The following CNTN4 variants were observed in gnomAD, a reference collection of about 807,000 sequenced individuals.
CNTN4 encodes contactin-4.
CNTN4 carries 77 observed loss-of-function variants against 122.5 expected under a neutral mutation model. That is an observed-to-expected ratio of 0.63 (90% CI 0.52 to 0.76). The LOEUF (loss-of-function observed/expected upper bound fraction) is 0.76, where lower values mean the gene tolerates loss of function less well. Among genes scored for constraint, CNTN4 ranks in the 30% least tolerant of loss-of-function variants. The pLI is 0.00. For synonymous variants in CNTN4, 512 were observed against 447.0 expected (o/e 1.15, Z -1.83); for missense variants, 1,256 against 1,259.1 (o/e 1.00, Z 0.04).
At chr3:2,119,670 A>G (rs1445772283) in intron 2 of CNTN4, among the ~76,000 whole-genome samples, 1 of 152,174 alleles carries the variant, frequency 6.6e-6, no homozygotes, top group Non-Finnish European at 1.5e-5. Context: ...AAGTAGGATA[A>G]TTTAGAGAAA....
intron 3 of CNTN4, among the ~76,000 whole-genome samples, chr3:2,539,899 T>G (rs1489518913): frequency 2.6e-5 from 4 of 152,122 alleles, no homozygotes. Context: ...CGGTGATTAC[T>G]CAACTCTTGC....
In CNTN4 at chr3:2,288,833, T is replaced by C. The variant is rs569867634; in HGVS notation, c.-144-50345T>C. Among the ~76,000 whole-genome samples, 7 of 152,108 alleles carry C rather than the reference T, an allele frequency of 4.6e-5. 1 individual carries two copies. In the East Asian group the frequency reaches 5.8e-4, roughly 13 times the overall value. On this transcript the variant is annotated intron_variant, in intron 2 of 24. Coordinates refer to ENST00000418658, the MANE Select transcript of CNTN4 (RefSeq NM_175607.3). ...GGCTGGAAAATGTTAAATAAAGATA[T>C]AAATTAGAGAAAAGAGGGATGTTTG...
intron 2 of CNTN4, among the ~76,000 whole-genome samples, chr3:2,247,680 TTATACA>T (rs2040207907): frequency 6.6e-6 from 1 of 152,004 alleles, no homozygotes; most frequent in South Asian, 2.1e-4. Context: ...ATAAGTTGAC[TTATACA>T]TATTATTTGA....
At chr3:2,697,703 G>C (rs1036086659) in intron 4 of CNTN4, among the ~76,000 whole-genome samples, 1 of 152,108 alleles carries the variant, frequency 6.6e-6, no homozygotes, top group Non-Finnish European at 1.5e-5. Flanking sequence ...CCGATACGAT[G>C]CATAGAGAGA....
At chr3:2,763,786 C>T (rs1304203538) in intron 6 of CNTN4, among the ~76,000 whole-genome samples, 3 of 152,024 alleles carry the variant, frequency 2.0e-5, no homozygotes, top group South Asian at 2.1e-4. Flanking sequence ...AAGGTGAGAT[C>T]GTTGCAGGTG....
intron 8 of CNTN4, among the ~76,000 whole-genome samples, chr3:2,870,095 C>T (rs1054114104): frequency 7.9e-5 from 12 of 152,148 alleles, no homozygotes; most frequent in Admixed American, 2.0e-4. Flanking sequence ...CAGGGACAGA[C>T]GTCACACAGA....
intron 3 of CNTN4, among the ~76,000 whole-genome samples, chr3:2,550,493 C>T (rs951653522): frequency 4.6e-5 from 7 of 152,190 alleles, no homozygotes; most frequent in Non-Finnish European, 7.3e-5. Flanking sequence ...TGCTTTTACA[C>T]TGTTGGTGGG....
At chr3:2,405,445 A>C (rs2046998128) in intron 3 of CNTN4, among the ~76,000 whole-genome samples, 1 of 152,208 alleles carries the variant, frequency 6.6e-6, no homozygotes, top group African/African-American at 2.4e-5. Context: ...TCAAAAAGTA[A>C]GAGTGCATGT....
intron 2 of CNTN4, among the ~76,000 whole-genome samples, chr3:2,328,258 T>C (rs1145040): frequency 0.32 from 48,081 of 150,334 alleles, 7,844 homozygotes; most frequent in Admixed American, 0.39. Context: ...ACAAAAAAAT[T>C]AGCCGGGCGT....
chr3:2,205,442 G>A (rs2149408321), intron 2 of CNTN4, among the ~76,000 whole-genome samples: 2 of 151,700 alleles, frequency 1.3e-5, no homozygotes, highest in East Asian at 1.9e-4. Flanking sequence ...TTGGGAGTCA[G>A]GTGGTTTTTC....
intron 3 of CNTN4, among the ~76,000 whole-genome samples, chr3:2,453,411 G>C (rs191682284): frequency 1.3e-5 from 2 of 152,204 alleles, no homozygotes; most frequent in African/African-American, 4.8e-5. Context: ...ATCTCGAAAA[G>C]CAGTAATGAT....
intron 3 of CNTN4, among the ~76,000 whole-genome samples, chr3:2,349,104 C>A (rs751976768): frequency 6.6e-6 from 1 of 152,046 alleles, no homozygotes; most frequent in African/African-American, 2.4e-5. Context: ...ATGTTTTACC[C>A]GAACTGGTTT....
intron 14 of CNTN4, among the ~76,000 whole-genome samples, chr3:3,024,384 T>TAA (rs55892513): frequency 2.9e-3 from 265 of 90,178 alleles, no homozygotes; most frequent in Middle Eastern, 7.9e-3. Context: ...TTTTCCTCAT[T>TAA]AAAAAAAAAA....
intron 3 of CNTN4, among the ~76,000 whole-genome samples, chr3:2,350,255 G>A (rs1354828121): frequency 6.6e-6 from 1 of 152,172 alleles, no homozygotes; most frequent in African/African-American, 2.4e-5. Context: ...TAACCATGTT[G>A]GTAATGACAG....
chr3:2,922,300 A>G (rs2094436774), intron 12 of CNTN4, among the ~76,000 whole-genome samples: 1 of 152,204 alleles, frequency 6.6e-6, no homozygotes, highest in African/African-American at 2.4e-5. Context: ...TGAATGTCAA[A>G]TAGAACAGGT....
At chr3:2,227,431 A>T (rs1233633031) in intron 2 of CNTN4, among the ~76,000 whole-genome samples, 1 of 152,162 alleles carries the variant, frequency 6.6e-6, no homozygotes, top group Non-Finnish European at 1.5e-5. Flanking sequence ...ACTAATAGTT[A>T]GTGTCCTTTT....
intron 2 of CNTN4, among the ~76,000 whole-genome samples, chr3:2,332,759 A>C (rs563473755): frequency 6.6e-6 from 1 of 150,498 alleles, no homozygotes; most frequent in Non-Finnish European, 1.5e-5. Context: ...GGATAGCTTT[A>C]GGAGATATAC....
chr3:2,171,512 A>G (rs1351541605), intron 2 of CNTN4, among the ~76,000 whole-genome samples: 1 of 152,202 alleles, frequency 6.6e-6, no homozygotes, highest in Admixed American at 6.5e-5. Flanking sequence ...GAAATATTTG[A>G]ATGGTGAACA....
At chr3:2,166,661 T>C (rs2036207401) in intron 2 of CNTN4, among the ~76,000 whole-genome samples, 1 of 152,160 alleles carries the variant, frequency 6.6e-6, no homozygotes, top group Non-Finnish European at 1.5e-5. Context: ...TTCAAGAGAA[T>C]CTAGGTGCTG....
Sources: gnomAD v4.1 joint callset for allele counts (sites outside exome capture counted in the v4.1 genomes callset) on GRCh38, gnomAD v4.1.1 for gene constraint, MANE v1.5 for transcripts, NCBI Gene and HGNC (gene_info 2026-07-23, HGNC 2026-07-21) for gene names.